ACTN4: variants seen among roughly 807,000 people sequenced by gnomAD.
ACTN4 encodes the protein actinin alpha 4.
A neutral mutation model predicts 114.2 loss-of-function variants in ACTN4; 18 were observed. The observed-to-expected ratio is 0.16, with a 90% CI of 0.11 to 0.23. ACTN4 has a LOEUF of 0.23. ACTN4 is among the 10% of genes least tolerant of loss of function. ACTN4 has a pLI of 1.00. For synonymous variants in ACTN4, 515 were observed against 506.3 expected (o/e 1.02, Z -0.23); for missense variants, 722 against 1,262.9 (o/e 0.57, Z 6.49).
rs1399330938 is a variant in ACTN4 at position 38,729,007 on chromosome 19, G to C, written c.2430G>C (p.Glu810Asp). The C allele has an allele frequency of 6.2e-7, 1 of 1,613,272 alleles. No individual in the cohort carries two copies. Among genetic ancestry groups the C allele is most frequent in the East Asian group, 2.2e-5 (1 of 44,884 alleles). ...DVENDRQGEA[E>D]FNRIMSLVDP... ...CCCTCTCCTTGCAGGGTGAGGCCGA[G>C]TTCAACCGCATCATGAGCCTGGTCG... Residue 810 changes from glutamate to aspartate, a missense_variant, in exon 20 of 21, where the codon GAG (glutamate) becomes GAC (aspartate). Around this residue, in one of 3 missense-constraint regions of ACTN4, gnomAD observed 523 missense variants for 875.9 expected, o/e 0.60. Transcript: ENST00000252699.
intron 1 of ACTN4, among the ~76,000 whole-genome samples, chr19:38,658,336 A>G (rs889526025): frequency 1.3e-5 from 2 of 152,210 alleles, no homozygotes; most frequent in Non-Finnish European, 2.9e-5. Flanking sequence ...AGGACAAAAT[A>G]TGCCTGTATC....
At chr19:38,684,638 G>C (rs1967684278) in intron 1 of ACTN4, among the ~76,000 whole-genome samples, 1 of 152,212 alleles carries the variant, frequency 6.6e-6, no homozygotes. Flanking sequence ...TCCTCGGCCA[G>C]GGCAGATGTT....
chr19:38,725,192 C>G (rs1373707947), intron 16 of ACTN4, among the ~76,000 whole-genome samples: 1 of 152,196 alleles, frequency 6.6e-6, no homozygotes, highest in Admixed American at 6.5e-5. Context: ...TACCAGGCAA[C>G]CAGGCTGGCA....
chr19:38,731,277 T>C lies in ACTN4; in HGVS notation c.*1845T>C, dbSNP rs1338659184. ...GGCCCACAGGGAACCCACCTTGGCATTGCATCCCCACCCCACCTCCTCAGG... is the reference window on the plus strand; with the variant it reads ...GGCCCACAGGGAACCCACCTTGGCACTGCATCCCCACCCCACCTCCTCAGG... On this transcript the variant is annotated 3_prime_UTR_variant, in exon 21 of 21. Coordinates refer to ENST00000252699, the MANE Select transcript of ACTN4 (RefSeq NM_004924.6). The C allele has an allele frequency of 7.3e-6, 10 of 1,375,876 alleles. No homozygotes were observed. The African/African-American group carries it at 1.0e-4, about 14-fold the overall frequency. The allele number at this position is 1,375,876 out of a possible 1,614,324, so 85.2% of individuals were successfully genotyped here.
chr19:38,682,449 G>A (rs1395231754), intron 1 of ACTN4, among the ~76,000 whole-genome samples: 1 of 152,152 alleles, frequency 6.6e-6, no homozygotes, highest in Non-Finnish European at 1.5e-5. Flanking sequence ...CTCCCAAAGT[G>A]TTGAGATTAG....
chr19:38,723,850 G>A, intron 13 of ACTN4, 87 bp from the exon 14 acceptor site: 1 of 1,524,876 alleles, frequency 6.6e-7, no homozygotes, highest in Non-Finnish European at 9.0e-7. Context: ...TGACTCCTCA[G>A]GGCCCTCTGG....
intron 5 of ACTN4, 50 bp downstream of exon 5, chr19:38,706,181 C>T: frequency 6.4e-7 from 1 of 1,568,624 alleles, no homozygotes; most frequent in Non-Finnish European, 8.8e-7. Flanking sequence ...AACCTGAGAT[C>T]CTTCCTCCCA....
chr19:38,656,296 G>C (rs890814182), intron 1 of ACTN4, among the ~76,000 whole-genome samples: 3 of 152,094 alleles, frequency 2.0e-5, no homozygotes, highest in African/African-American at 4.8e-5. Context: ...TGTTTTTGTA[G>C]AGATGGGGTT....
intron 17 of ACTN4, among the ~76,000 whole-genome samples, chr19:38,726,465 T>C (rs1969236228): frequency 6.6e-6 from 1 of 152,150 alleles, no homozygotes; most frequent in African/African-American, 2.4e-5. Flanking sequence ...TCAGCCTTGC[T>C]CAGGGCCAGA....
At chr19:38,708,071 T>C (rs778051655) in intron 5 of ACTN4, 46 bp from the exon 6 acceptor site, 11 of 1,587,476 alleles carry the variant, frequency 6.9e-6, no homozygotes, top group Non-Finnish European at 7.8e-6. Context: ...GGCACTCTCA[T>C]GACAGTGAGC....
intron 8 of ACTN4, chr19:38,710,931 ACT>A (rs1968626789): frequency 5.8e-6 from 1 of 173,862 alleles, no homozygotes. Flanking sequence ...TTCATGTTCC[ACT>A]CTGAGGGCCA....
chr19:38,718,535 C>CA (rs199515584), intron 11 of ACTN4, among the ~76,000 whole-genome samples: 104 of 150,016 alleles, frequency 6.9e-4, no homozygotes, highest in Admixed American at 1.5e-3. Context: ...GACCCTGTCT[C>CA]AAAAAAAAAG....
Position 38,730,694 on chromosome 19 carries a change from A to C in ACTN4, c.*1262A>C. On this transcript the variant is annotated 3_prime_UTR_variant, in exon 21 of 21. Transcript: ENST00000252699. ...TCTTGTTTCTGAGTGAGGAGTACGCAGGCCAGAGTGGTCACCCGGCCGTGA... is the reference window on the plus strand; with the variant it reads ...TCTTGTTTCTGAGTGAGGAGTACGCCGGCCAGAGTGGTCACCCGGCCGTGA... 1.2e-6 allele frequency: 1 copy of C among 805,768 alleles called. No individual in the cohort carries two copies. The highest frequency in any genetic ancestry group is 2.0e-6 in the Non-Finnish European group (1 of 501,860). 49.9% of individuals were successfully genotyped at this position (805,768 alleles called of 1,614,324 possible). A position where few individuals can be genotyped will look rare whatever the true frequency, so the allele number is the denominator to read the frequency against.
intron 1 of ACTN4, among the ~76,000 whole-genome samples, chr19:38,674,975 A>C (rs1316217957): frequency 6.6e-6 from 1 of 152,230 alleles, no homozygotes; most frequent in African/African-American, 2.4e-5. Context: ...GGAGACAAGC[A>C]TGTGGCTGAA....
intron 11 of ACTN4, among the ~76,000 whole-genome samples, chr19:38,718,836 C>T (rs1010267250): frequency 6.6e-6 from 1 of 152,210 alleles, no homozygotes; most frequent in East Asian, 1.9e-4. Context: ...TGAGCGTGGA[C>T]GGAAGGCTGG....
chr19:38,723,582 C>T, intron 12 of ACTN4, 32 bp from the exon 13 acceptor site: 10 of 1,533,554 alleles, frequency 6.5e-6, no homozygotes, highest in Non-Finnish European at 8.9e-6. Flanking sequence ...CTTGCCCTTG[C>T]CGAGTCTCAT....
At chr19:38,723,846 C>T (rs960863561) in intron 13 of ACTN4, 91 bp from the exon 14 acceptor site, 57 of 1,516,938 alleles carry the variant, frequency 3.8e-5, no homozygotes, top group Non-Finnish European at 5.0e-5. Flanking sequence ...TCTCTGACTC[C>T]TCAGGGCCCT....
chr19:38,706,440 A>G (rs188361522), intron 5 of ACTN4, among the ~76,000 whole-genome samples: 407 of 152,334 alleles, frequency 2.7e-3, no homozygotes, highest in Middle Eastern at 0.01. Flanking sequence ...TTTTTGAGAC[A>G]GGGTCTTGTG....
In ACTN4 at chr19:38,731,226, AG is replaced by A; in HGVS notation, c.*1799del. 2 of 1,611,716 alleles carry A rather than the reference AG, an allele frequency of 1.2e-6. No individual in the cohort carries two copies. The highest frequency in any genetic ancestry group is 1.7e-6 in the Non-Finnish European group (2 of 1,179,400). On this transcript the variant is annotated 3_prime_UTR_variant, in exon 21 of 21. Coordinates refer to ENST00000252699, the MANE Select transcript of ACTN4 (RefSeq NM_004924.6). ...CAGCTGGTTGTTCAGGTGGAAGCCTAGGGGGAGGCTGCTTCTGAGCCCAGTG... is the reference window on the plus strand; with the variant it reads ...CAGCTGGTTGTTCAGGTGGAAGCCTAGGGGAGGCTGCTTCTGAGCCCAGTG...
Sources: allele counts gnomAD v4.1 joint callset (sites outside exome capture counted in the v4.1 genomes callset), GRCh38; gene constraint gnomAD v4.1.1; regional missense constraint gnomAD v4.1.1; transcripts MANE v1.5; gene names NCBI Gene and HGNC (gene_info 2026-07-23, HGNC 2026-07-21).